Variants in AHI1 observed in about 807,000 individuals in gnomAD.
AHI1 encodes the protein Abelson helper integration site 1.
A neutral mutation model predicts 149.3 loss-of-function variants in AHI1; 123 were observed. The observed-to-expected ratio is 0.82, with a 90% CI of 0.71 to 0.96. The LOEUF (loss-of-function observed/expected upper bound fraction) is 0.96, where lower values mean the gene tolerates loss of function less well. AHI1 is among the 40% of genes least tolerant of loss of function. The pLI is 0.00. For synonymous variants in AHI1, 475 were observed against 459.8 expected (o/e 1.03, Z -0.42); for missense variants, 1,439 against 1,422.7 (o/e 1.01, Z -0.18).
intron 18 of AHI1, among the ~76,000 whole-genome samples, chr6:135,429,489 TATATC>T (rs754068020): frequency 2.0e-5 from 3 of 151,914 alleles, no homozygotes; most frequent in South Asian, 2.1e-4. Context: ...CTCCTGTAGT[TATATC>T]ATATTATACT....
intron 20 of AHI1, among the ~76,000 whole-genome samples, chr6:135,412,077 T>G (rs192174696): frequency 4.5e-4 from 69 of 152,306 alleles, no homozygotes; most frequent in South Asian, 3.1e-3. Flanking sequence ...CCGTAATTTT[T>G]TTTTTACACA....
At chr6:135,441,435 T>C (rs911448141) in intron 14 of AHI1, among the ~76,000 whole-genome samples, 1 of 151,830 alleles carries the variant, frequency 6.6e-6, no homozygotes, top group Non-Finnish European at 1.5e-5. Context: ...ACTGAATACA[T>C]CTCTAATTTG....
rs537516601 is a variant in AHI1, at chr6:135,449,487, T to C, written c.1441-1012A>G. On this transcript the variant is annotated intron_variant, in intron 11 of 28. Transcript: ENST00000265602. ...CTTCTGCAAATTAGGAGCAGAAAGA[T>C]AGTTTGAACCCTTTGCAACAGTTCA... Among the ~76,000 whole-genome samples, 7 of 152,326 alleles carry C rather than the reference T, an allele frequency of 4.6e-5. No homozygotes were observed. In the East Asian group the frequency reaches 7.7e-4, roughly 17 times the overall value.
At chr6:135,363,485 T>G (rs7748148) in intron 23 of AHI1, among the ~76,000 whole-genome samples, 74,768 of 150,174 alleles carry the variant, frequency 0.5, 18,940 homozygotes, top group Middle Eastern at 0.64. Flanking sequence ...GATTTCTCAA[T>G]CTTTTCCCCA....
At chr6:135,374,237 C>T (rs1775564957) in intron 23 of AHI1, among the ~76,000 whole-genome samples, 2 of 150,224 alleles carry the variant, frequency 1.3e-5, no homozygotes, top group Admixed American at 6.7e-5. Flanking sequence ...CTCAGCCTCC[C>T]GAGTAGCTGG....
rs1381069276 is a variant in AHI1, at chr6:135,340,650, C to CATAT, written c.3166-17327_3166-17326insATAT. Among the ~76,000 whole-genome samples the CATAT allele has an allele frequency of 5.7e-5, 3 of 52,632 alleles. No individual in the cohort carries two copies. In the East Asian group the frequency reaches 1.7e-3, roughly 31 times the overall value. The allele number at this position is 52,632 out of a possible 152,430, so 34.5% of individuals were successfully genotyped here. On this transcript the variant is annotated intron_variant, in intron 24 of 28. Coordinates refer to ENST00000265602, the MANE Select transcript of AHI1 (RefSeq NM_001134831.2). ...ATATAAAAACCAGTACATATATATA[C>CATAT]ATACATACATATATATATATATATA...
intron 21 of AHI1, among the ~76,000 whole-genome samples, chr6:135,407,464 T>C (rs935513977): frequency 6.6e-6 from 1 of 152,154 alleles, no homozygotes; most frequent in African/African-American, 2.4e-5. Context: ...AGAAAATACA[T>C]TGCAGATAGC....
intron 5 of AHI1, among the ~76,000 whole-genome samples, chr6:135,487,318 G>C (rs1057394932): frequency 1.3e-5 from 2 of 152,102 alleles, no homozygotes; most frequent in East Asian, 1.9e-4. Context: ...CTAGGGACAA[G>C]AGTAATGGTT....
At chr6:135,464,819 A>G (rs1008021452) in intron 7 of AHI1, among the ~76,000 whole-genome samples, 1 of 152,192 alleles carries the variant, frequency 6.6e-6, no homozygotes, top group Non-Finnish European at 1.5e-5. Context: ...TCCCCCAGTC[A>G]AGGCTTGAGG....
At chr6:135,337,788 G>C (rs911141680) in intron 24 of AHI1, among the ~76,000 whole-genome samples, 3 of 147,222 alleles carry the variant, frequency 2.0e-5, no homozygotes, top group Admixed American at 2.0e-4. Context: ...AAAAAAAAAG[G>C]CTGTGAAGAA....
At chr6:135,336,730 T>C (rs1214975078) in intron 24 of AHI1, among the ~76,000 whole-genome samples, 2 of 152,224 alleles carry the variant, frequency 1.3e-5, no homozygotes, top group East Asian at 1.9e-4. Context: ...TTGGGTTTTC[T>C]CTCAGCATTG....
intron 14 of AHI1, among the ~76,000 whole-genome samples, chr6:135,441,913 T>C (rs1786361235): frequency 2.0e-5 from 3 of 152,176 alleles, no homozygotes; most frequent in Admixed American, 1.3e-4. Flanking sequence ...AACCAATTAA[T>C]AGCAAACTGT....
chr6:135,471,976 C>T (rs556677939), intron 5 of AHI1, among the ~76,000 whole-genome samples: 2 of 123,210 alleles, frequency 1.6e-5, no homozygotes, highest in Non-Finnish European at 3.2e-5. Context: ...TGCGCCACTG[C>T]AGTCCGCAGT....
intron 10 of AHI1, among the ~76,000 whole-genome samples, chr6:135,454,497 G>A (rs1318380243): frequency 6.6e-6 from 1 of 152,028 alleles, no homozygotes; most frequent in Non-Finnish European, 1.5e-5. Context: ...AAACAGTGCT[G>A]AAATAAATAT....
At chr6:135,474,558 T>C (rs1309085712) in intron 5 of AHI1, 1 of 152,182 alleles carries the variant, frequency 6.6e-6, no homozygotes, top group Admixed American at 6.5e-5. Flanking sequence ...GAGTTCAATC[T>C]GTAACTGACT....
At chr6:135,491,478 T>G (rs1183611587) in intron 4 of AHI1, among the ~76,000 whole-genome samples, 1 of 152,224 alleles carries the variant, frequency 6.6e-6, no homozygotes, top group Non-Finnish European at 1.5e-5. Flanking sequence ...AAATGCTGCC[T>G]GTAAATAAAA....
At chr6:135,360,279 T>C (rs1410620786) in intron 23 of AHI1, among the ~76,000 whole-genome samples, 1 of 152,234 alleles carries the variant, frequency 6.6e-6, no homozygotes, top group African/African-American at 2.4e-5. Flanking sequence ...AGATACTTGA[T>C]CAAACATTAT....
At chr6:135,309,404 G>T (rs1330435231) in intron 26 of AHI1, among the ~76,000 whole-genome samples, 1 of 151,188 alleles carries the variant, frequency 6.6e-6, no homozygotes, top group African/African-American at 2.4e-5. Context: ...ATAAGTTATT[G>T]AAACAAATTA....
intron 24 of AHI1, among the ~76,000 whole-genome samples, chr6:135,337,808 AC>A (rs1446434043): frequency 6.6e-6 from 1 of 151,046 alleles, no homozygotes; most frequent in Non-Finnish European, 1.5e-5. Flanking sequence ...AATCTTGAGT[AC>A]TAAAATTAAA....
Sources: gnomAD v4.1 joint callset for allele counts (sites outside exome capture counted in the v4.1 genomes callset) on GRCh38, gnomAD v4.1.1 for gene constraint, MANE v1.5 for transcripts, NCBI Gene and HGNC (gene_info 2026-07-23, HGNC 2026-07-21) for gene names.